TBC1D16: variants seen among roughly 807,000 people sequenced by gnomAD.
TBC1D16 encodes the protein TBC1 domain family member 16.
TBC1D16 carries 58 observed loss-of-function variants against 74.7 expected under a neutral mutation model. The ratio of observed to expected loss-of-function variants is 0.78; its 90% CI spans 0.63 to 0.97. TBC1D16 has a LOEUF of 0.97. Among genes scored for constraint, TBC1D16 ranks in the 50% least tolerant of loss-of-function variants. TBC1D16 has a pLI of 0.00. For synonymous variants in TBC1D16, 493 were observed against 474.7 expected, an observed-to-expected ratio of 1.04 and a Z score of -0.50; for missense variants, 1,014 against 1,079.5, an observed-to-expected ratio of 0.94 and a Z score of 0.85.
In TBC1D16 at chr17:79,983,450, G is replaced by A. The variant is rs2034676126; in HGVS notation, c.779+26710C>T. ...GAGAAAAACCCAAACTAAACCACATGGTCATCAACAGGAGTGTGGACAACC... is the reference window on the plus strand; with the variant it reads ...GAGAAAAACCCAAACTAAACCACATAGTCATCAACAGGAGTGTGGACAACC... On this transcript the variant is annotated intron_variant, in intron 3 of 11. Transcript: ENST00000310924. The surrounding 1 kb of genome is among the most constrained non-coding windows in gnomAD (Gnocchi z 5.6). Among the ~76,000 whole-genome samples, 1 of 152,182 alleles carries A rather than the reference G, an allele frequency of 6.6e-6. No homozygotes were observed. The highest frequency in any genetic ancestry group is 6.5e-5 in the Admixed American group (1 of 15,282).
At chr17:80,030,976 A>G (rs1050315634) in intron 1 of TBC1D16, among the ~76,000 whole-genome samples, 4 of 152,252 alleles carry the variant, frequency 2.6e-5, no homozygotes, top group African/African-American at 9.6e-5. Flanking sequence ...AACACGAGCC[A>G]GACACACGCA....
chr17:79,978,516 C>T (rs1183078889), intron 3 of TBC1D16, among the ~76,000 whole-genome samples: 1 of 152,228 alleles, frequency 6.6e-6, no homozygotes, highest in Non-Finnish European at 1.5e-5. Context: ...GAGAATGTAC[C>T]AGGCCTTTGA....
intron 1 of TBC1D16, among the ~76,000 whole-genome samples, chr17:80,030,310 T>G (rs1274472913): frequency 2.0e-5 from 3 of 152,036 alleles, no homozygotes; most frequent in Non-Finnish European, 4.4e-5. Context: ...GAGTGACTAC[T>G]CTTTTAGCAG....
At position 79,940,769 on chromosome 17, in the gene TBC1D16, CT is replaced by C; in HGVS notation, c.*89del. On this transcript the variant is annotated 3_prime_UTR_variant, in exon 12 of 12. Transcript: ENST00000310924. The surrounding 1 kb of genome is among the most constrained non-coding windows in gnomAD (Gnocchi z 5.4). ...ATTTTCCTTAGGTTTCTACCGTCCC[CT>C]GTCCCCTTCACGCCCAGCCCCACCC... 7.2e-7 allele frequency: 1 copy of C among 1,396,870 alleles called. No individual in the cohort carries two copies. The highest frequency in any genetic ancestry group is 9.4e-7 in the Non-Finnish European group (1 of 1,058,456). 86.5% of individuals were successfully genotyped at this position (1,396,870 alleles called of 1,614,324 possible).
At chr17:80,016,347 G>C (rs895785588) in intron 1 of TBC1D16, among the ~76,000 whole-genome samples, 5 of 151,990 alleles carry the variant, frequency 3.3e-5, no homozygotes, top group African/African-American at 9.7e-5. Flanking sequence ...CAGTGGCGGC[G>C]GCTCTACAAC....
At position 79,947,756 on chromosome 17, in the gene TBC1D16, G is replaced by C. The variant is rs151222293; in HGVS notation, c.1617C>G (p.Pro539=). The C allele has an allele frequency of 1.5e-4, 240 of 1,613,932 alleles. 2 individuals carry two copies. The African/African-American group carries it at 2.9e-3, about 19-fold the overall frequency. The change falls in exon 9 of 12, where the codon CCC becomes CCG. Residue 539 remains proline, a synonymous_variant. Transcript: ENST00000310924. Reference sequence around the variant, plus strand: ...ACTCATCCAGGACCTCGGCCAAGATGGGCGCCACCAGGTCCGACATCCCTT... The same window carrying C: ...ACTCATCCAGGACCTCGGCCAAGATCGGCGCCACCAGGTCCGACATCCCTT... ...YSQGMSDLVA[P]ILAEVLDESD... is the part of the protein sequence containing the mutation.
rs372042289 is a variant in TBC1D16 at position 79,979,295 on chromosome 17, C to T, written c.780-26477G>A. 4.7e-4 allele frequency among the ~76,000 whole-genome samples: 71 copies of T among 150,926 alleles called. No individual in the cohort carries two copies. In the East Asian group the frequency reaches 8.4e-3, roughly 18 times the overall value. ...GCCCAGAGCACACGCGCTCCGGGGACGCACACCCACGCCCAGAGCACACAC... is the reference window on the plus strand; with the variant it reads ...GCCCAGAGCACACGCGCTCCGGGGATGCACACCCACGCCCAGAGCACACAC... On this transcript the variant is annotated intron_variant, in intron 3 of 11. Transcript: ENST00000310924. The surrounding 1 kb of genome is among the most constrained non-coding windows in gnomAD (Gnocchi z 4.8).
At position 79,983,194 on chromosome 17, in the gene TBC1D16, G is replaced by A. The variant is rs75308217; in HGVS notation, c.779+26966C>T. On this transcript the variant is annotated intron_variant, in intron 3 of 11. Transcript: ENST00000310924. The surrounding 1 kb of genome is among the most constrained non-coding windows in gnomAD (Gnocchi z 5.6). ...CTGTGCAGGCGTGAAACCCAGTGGCGGTTCAGAAGACGTGGCAGCGCGGGA... is the reference window on the plus strand; with the variant it reads ...CTGTGCAGGCGTGAAACCCAGTGGCAGTTCAGAAGACGTGGCAGCGCGGGA... Among the ~76,000 whole-genome samples the A allele has an allele frequency of 5.9e-5, 9 of 152,328 alleles. No individual in the cohort carries two copies. The highest frequency in any genetic ancestry group is 1.0e-4 in the Non-Finnish European group (7 of 68,034).
intron 8 of TBC1D16, among the ~76,000 whole-genome samples, chr17:79,948,039 G>A (rs376717234): frequency 3.2e-4 from 48 of 152,328 alleles, no homozygotes; most frequent in East Asian, 2.9e-3. Context: ...GGCCGGGCGC[G>A]GTGGCCCACG....
Position 79,988,573 on chromosome 17 carries a change from C to T in TBC1D16, c.779+21587G>A, listed in dbSNP as rs757968881. Among the ~76,000 whole-genome samples, 6 of 152,230 alleles carry T rather than the reference C, an allele frequency of 3.9e-5. No homozygotes were observed. Among genetic ancestry groups the T allele is most frequent in the Non-Finnish European group, 7.3e-5 (5 of 68,034 alleles). On this transcript the variant is annotated intron_variant, in intron 3 of 11. Transcript: ENST00000310924. This position sits in a 1 kb window ranked among gnomAD's most constrained non-coding sequence, Gnocchi z 5.7. The stretch of plus-strand genomic sequence containing the variant: ...CTCGGCAAGCCAGGGTCCTGGTGAA[C>T]GCACGTGCCTGCGTTCTGTACCAAA...
At position 80,010,070 on chromosome 17, in the gene TBC1D16, TG is replaced by T; in HGVS notation, c.779+89del. 2 of 1,125,808 alleles carry T rather than the reference TG, an allele frequency of 1.8e-6. No homozygotes were observed. The highest frequency in any genetic ancestry group is 1.6e-5 in the South Asian group (1 of 62,730). The allele number at this position is 1,125,808 out of a possible 1,614,324, so 69.7% of individuals were successfully genotyped here. A position where few individuals can be genotyped will look rare whatever the true frequency, so the allele number is the denominator to read the frequency against. Reference sequence around the variant, plus strand: ...CGGGCAGATGCCTCCAGCGCTCACCTGGCATCACAGGTGACGCAGGTGAGTG... The same window carrying T: ...CGGGCAGATGCCTCCAGCGCTCACCTGCATCACAGGTGACGCAGGTGAGTG... On this transcript the variant is annotated intron_variant, in intron 3 of 11. Transcript: ENST00000310924. This position sits in a 1 kb window ranked among gnomAD's most constrained non-coding sequence, Gnocchi z 8.8.
chr17:79,940,982 GC>G lies in TBC1D16; in HGVS notation c.2180del (p.Gly727AlafsTer23). On this transcript the variant is annotated frameshift_variant, in exon 12 of 12. Transcript: ENST00000310924. LOFTEE classifies it high-confidence loss of function. This position sits in a 1 kb window ranked among gnomAD's most constrained non-coding sequence, Gnocchi z 5.4. ...GACAGCTCTCCGAGCCGGGATGGTG[GC>G]CGGTGCACTCCACCGCGGGCATGGA... The part of the protein sequence containing the change: ...SGSMPAVECT[G>X]HHPGSESCPY... 2 of 1,607,900 alleles carry G rather than the reference GC, an allele frequency of 1.2e-6. No homozygotes were observed. Among genetic ancestry groups the G allele is most frequent in the Non-Finnish European group, 1.7e-6 (2 of 1,177,938 alleles).
chr17:80,028,098 C>T (rs1015754071), intron 1 of TBC1D16, among the ~76,000 whole-genome samples: 1 of 151,806 alleles, frequency 6.6e-6, no homozygotes, highest in Non-Finnish European at 1.5e-5. Flanking sequence ...ATGCCATCTT[C>T]GTTAAGGTTC....
rs910711153 is a variant in TBC1D16, at chr17:79,944,523, C to T, written c.1908+385G>A. 5.9e-5 allele frequency among the ~76,000 whole-genome samples: 9 copies of T among 152,270 alleles called. No individual in the cohort carries two copies. The highest frequency in any genetic ancestry group is 1.4e-4 in the African/African-American group (6 of 41,560). On this transcript the variant is annotated intron_variant, in intron 10 of 11. Coordinates refer to ENST00000310924, the MANE Select transcript of TBC1D16 (RefSeq NM_019020.4). The surrounding 1 kb of genome is among the most constrained non-coding windows in gnomAD (Gnocchi z 7.7). The stretch of plus-strand genomic sequence containing the variant: ...CTGCACAGCAGGGTAACGGGTGAGT[C>T]GGCCCTCGTGGCAGGGCGGTCCCGA...
chr17:79,968,520 A>G (rs1339503965), intron 3 of TBC1D16, among the ~76,000 whole-genome samples: 1 of 152,240 alleles, frequency 6.6e-6, no homozygotes, highest in Non-Finnish European at 1.5e-5. Flanking sequence ...AGAAAAAAAT[A>G]GATAAATCTG....
At chr17:79,949,583 G>A in intron 7 of TBC1D16, 134 bp downstream of exon 7, 1 of 1,167,994 alleles carries the variant, frequency 8.6e-7, no homozygotes, top group Non-Finnish European at 1.2e-6. Context: ...CACGTTCCTG[G>A]GAGACCCATT....
chr17:79,947,246 G>A, intron 9 of TBC1D16, among the ~76,000 whole-genome samples: 1 of 152,192 alleles, frequency 6.6e-6, no homozygotes, highest in East Asian at 1.9e-4. Flanking sequence ...CTTCCTGTCT[G>A]CACTCAGAAG....
Position 79,941,095 on chromosome 17 carries a change from G to A in TBC1D16, c.2068C>T (p.Leu690=). The change falls in exon 12 of 12, where the codon CTG becomes TTG. Residue 690 remains leucine, a synonymous_variant. Transcript: ENST00000310924. This position sits in a 1 kb window ranked among gnomAD's most constrained non-coding sequence, Gnocchi z 4.3. The stretch of plus-strand genomic sequence containing the variant: ...CGGGGCAGGAGGCGGAACTGGTACA[G>A]CAAACTCCTCGCCTGCAGACAGAGG... ...ELVLRKARSL[L]YQFRLLPRIP... 2 of 1,580,842 alleles carry A rather than the reference G, an allele frequency of 1.3e-6. No individual in the cohort carries two copies. Among genetic ancestry groups the A allele is most frequent in the East Asian group, 4.6e-5 (2 of 43,218 alleles).
rs2033633125 is a variant in TBC1D16 at position 79,961,932 on chromosome 17, A to T, written c.780-9114T>A. 6.6e-6 allele frequency among the ~76,000 whole-genome samples: 1 copy of T among 152,192 alleles called. No homozygotes were observed. Among genetic ancestry groups the T allele is most frequent in the Admixed American group, 6.5e-5 (1 of 15,276 alleles). The stretch of plus-strand genomic sequence containing the variant: ...TGAAAACAACCCAGGGTTTATCAAC[A>T]GCCAATGCAGTAATGAATCGTGGTC... On this transcript the variant is annotated intron_variant, in intron 3 of 11. Coordinates refer to ENST00000310924, the MANE Select transcript of TBC1D16 (RefSeq NM_019020.4). This position sits in a 1 kb window ranked among gnomAD's most constrained non-coding sequence, Gnocchi z 4.8.
Sources: allele counts gnomAD v4.1 joint callset (sites outside exome capture counted in the v4.1 genomes callset), GRCh38; gene constraint gnomAD v4.1.1; non-coding constraint Gnocchi (gnomAD v3.1); transcripts MANE v1.5; gene names NCBI Gene and HGNC (gene_info 2026-07-23, HGNC 2026-07-21).